Variants in MYO16 observed in about 807,000 individuals in gnomAD.
MYO16 encodes unconventional myosin-XVI.
MYO16 carries 94 observed loss-of-function variants against 205.3 expected under a neutral mutation model. The observed-to-expected ratio is 0.46, with a 90% CI of 0.39 to 0.54. The LOEUF is 0.54. Among genes scored for constraint, MYO16 ranks in the 20% least tolerant of loss-of-function variants. MYO16 has a pLI of 0.00. For synonymous variants in MYO16, 988 were observed against 954.0 expected, an observed-to-expected ratio of 1.04 and a Z score of -0.66; for missense variants, 2,315 against 2,387.5, an observed-to-expected ratio of 0.97 and a Z score of 0.63.
intron 1 of MYO16, among the ~76,000 whole-genome samples, chr13:108,620,284 C>G (rs1879491880): frequency 1.3e-5 from 2 of 152,100 alleles, no homozygotes; most frequent in African/African-American, 4.8e-5. Flanking sequence ...AACTTTCTTA[C>G]TTTTTGAATA....
intron 2 of MYO16, among the ~76,000 whole-genome samples, chr13:108,690,523 G>T (rs1209568113): frequency 2.6e-5 from 4 of 151,444 alleles, no homozygotes; most frequent in Non-Finnish European, 5.9e-5. Context: ...AACATGAAAA[G>T]GACTTTTAAA....
intron 16 of MYO16, among the ~76,000 whole-genome samples, chr13:108,925,185 G>A (rs1369646046): frequency 6.6e-6 from 1 of 152,108 alleles, no homozygotes; most frequent in Admixed American, 6.5e-5. Flanking sequence ...ACTGGTCCCG[G>A]CATCTCTCTG....
chr13:108,782,511 C>T (rs1353840337), intron 4 of MYO16, among the ~76,000 whole-genome samples: 5 of 152,150 alleles, frequency 3.3e-5, no homozygotes, highest in Non-Finnish European at 5.9e-5. Flanking sequence ...AAGAAAAACC[C>T]ATTTTTTGAG....
intron 1 of MYO16, among the ~76,000 whole-genome samples, chr13:108,657,995 G>A (rs915321463): frequency 5.9e-5 from 9 of 152,184 alleles, no homozygotes; most frequent in Non-Finnish European, 1.0e-4. Context: ...ATGTATGCAC[G>A]TAGGCTATTT....
intron 7 of MYO16, among the ~76,000 whole-genome samples, chr13:108,809,973 G>A (rs196182): frequency 0.2 from 30,185 of 152,036 alleles, 3,251 homozygotes; most frequent in Middle Eastern, 0.3. Flanking sequence ...AGATTTTTGC[G>A]AATCATGAAG....
intron 20 of MYO16, among the ~76,000 whole-genome samples, chr13:108,969,379 C>T (rs1386018558): frequency 6.6e-6 from 1 of 152,216 alleles, no homozygotes; most frequent in Non-Finnish European, 1.5e-5. Context: ...AAGGTATTAA[C>T]AAAGTCCTTG....
At chr13:109,182,909 C>T (rs1594166731) in intron 34 of MYO16, among the ~76,000 whole-genome samples, 2 of 152,130 alleles carry the variant, frequency 1.3e-5, no homozygotes, top group Admixed American at 6.5e-5. Flanking sequence ...ACATTTGCTG[C>T]GCTGTGCATG....
intron 33 of MYO16, among the ~76,000 whole-genome samples, chr13:109,174,905 C>A (rs1240080721): frequency 7.0e-6 from 1 of 141,882 alleles, no homozygotes; most frequent in African/African-American, 2.5e-5. Flanking sequence ...GCGCATGCCA[C>A]CACATTTTTT....
chr13:108,891,632 A>G (rs571439505), intron 14 of MYO16, among the ~76,000 whole-genome samples: 36 of 152,348 alleles, frequency 2.4e-4, no homozygotes. Flanking sequence ...AAAGTGCGAT[A>G]TTGCTGCAGT....
the MYO16 span, among the ~76,000 whole-genome samples, chr13:108,554,927 T>C: frequency 1.3e-5 from 2 of 151,134 alleles, no homozygotes; most frequent in African/African-American, 4.9e-5. Context: ...TCCATAAACT[T>C]GGAAGAGATC....
chr13:109,106,766 C>T (rs550088930), intron 28 of MYO16, among the ~76,000 whole-genome samples: 144 of 152,294 alleles, frequency 9.5e-4, no homozygotes, highest in South Asian at 6.2e-4. Context: ...CGATGTGGCT[C>T]TGTGCAGAAA....
upstream of MYO16, among the ~76,000 whole-genome samples, chr13:108,594,694 C>T (rs1300468129): frequency 6.6e-6 from 1 of 152,216 alleles, no homozygotes; most frequent in Non-Finnish European, 1.5e-5. Flanking sequence ...CACTTCTTTG[C>T]ATCCTTTGTT....
rs762916024 is a variant in MYO16, at chr13:109,120,432, A to T, written c.3501A>T (p.Leu1167=). The change falls in exon 29 of 35, where the codon CTA becomes CTT. Residue 1167 remains leucine (L), a synonymous_variant. Transcript: ENST00000457511. ...CTGACCAACTCAATGATTTGTGCCTACAGTTGCAGAGAAAAATTATAACCT... is the reference window on the plus strand; with the variant it reads ...CTGACCAACTCAATGATTTGTGCCTTCAGTTGCAGAGAAAAATTATAACCT... ...WHADQLNDLC[L]QLQRKIITCQ... 1 of 1,612,380 alleles carries T rather than the reference A, an allele frequency of 6.2e-7. No homozygotes were observed. Among genetic ancestry groups the T allele is most frequent in the Non-Finnish European group, 8.5e-7 (1 of 1,179,376 alleles).
intron 1 of MYO16, among the ~76,000 whole-genome samples, chr13:108,638,591 A>T (rs1236545704): frequency 6.6e-6 from 1 of 151,968 alleles, no homozygotes; most frequent in East Asian, 1.9e-4. Flanking sequence ...TGCTTTTCTG[A>T]AAATAATTGT....
At chr13:108,671,739 G>A (rs1881996379) in intron 2 of MYO16, among the ~76,000 whole-genome samples, 1 of 152,130 alleles carries the variant, frequency 6.6e-6, no homozygotes, top group South Asian at 2.1e-4. Flanking sequence ...TGAAGACAGG[G>A]AAGTCCAAGA....
Position 108,892,127 on chromosome 13 carries a change from G to C in MYO16, c.1659+3650G>C, listed in dbSNP as rs527476342. Among the ~76,000 whole-genome samples the C allele has an allele frequency of 2.0e-5, 3 of 152,180 alleles. No homozygotes were observed. In the South Asian group the frequency reaches 6.2e-4, roughly 32 times the overall value. On this transcript the variant is annotated intron_variant, in intron 14 of 34. Transcript: ENST00000457511. ...TTCTGTAGACTTTTCTCTTTAAAAA[G>C]AATGCATAATTAGTTTTTTGAATAT...
At chr13:109,120,643 A>C (rs959662308) in intron 29 of MYO16, among the ~76,000 whole-genome samples, 177 bp downstream of exon 29, 1 of 152,244 alleles carries the variant, frequency 6.6e-6, no homozygotes, top group East Asian at 1.9e-4. Context: ...ATTGTGGCTT[A>C]GTTTGCTATG....
the MYO16 span, among the ~76,000 whole-genome samples, chr13:108,586,556 T>C: frequency 6.6e-6 from 1 of 152,202 alleles, no homozygotes; most frequent in Admixed American, 6.5e-5. Context: ...TGAAGGCAGG[T>C]CACTGCAGGG....
intron 4 of MYO16, among the ~76,000 whole-genome samples, chr13:108,779,302 A>C (rs957626169): frequency 1.3e-5 from 2 of 152,244 alleles, no homozygotes; most frequent in East Asian, 1.9e-4. Flanking sequence ...AATTACCACC[A>C]ATCATTTGAA....
Sources: gnomAD v4.1 joint callset for allele counts (sites outside exome capture counted in the v4.1 genomes callset) on GRCh38, gnomAD v4.1.1 for gene constraint, MANE v1.5 for transcripts, NCBI Gene and HGNC (gene_info 2026-07-23, HGNC 2026-07-21) for gene names.